The following IQGAP2 variants were observed in gnomAD, a reference collection of about 807,000 sequenced individuals.
IQGAP2 encodes IQ motif containing GTPase activating protein 2.
IQGAP2 carries 173 observed loss-of-function variants against 201.3 expected under a neutral mutation model. That is an observed-to-expected ratio of 0.86 (90% CI 0.76 to 0.98). IQGAP2 has a LOEUF of 0.98. Ranked by LOEUF, IQGAP2 falls within the 50% of genes least tolerant of loss-of-function variation. The probability of loss-of-function intolerance (pLI) is 0.00; values close to 1 mark genes in which losing one functional copy is unlikely to be tolerated. For synonymous variants in IQGAP2, 675 were observed against 673.9 expected (o/e 1.00, Z -0.03); for missense variants, 1,687 against 1,864.8 (o/e 0.90, Z 1.76).
At chr5:76,459,796 G>A (rs1478033971) in intron 1 of IQGAP2, among the ~76,000 whole-genome samples, 8 of 151,918 alleles carry the variant, frequency 5.3e-5, no homozygotes, top group African/African-American at 1.7e-4. Flanking sequence ...GATTACCACC[G>A]CGCCTGGCTA....
chr5:76,551,715 G>T (rs534199707), intron 2 of IQGAP2, among the ~76,000 whole-genome samples: 1 of 152,142 alleles, frequency 6.6e-6, no homozygotes, highest in South Asian at 2.1e-4. Flanking sequence ...CCAGTCAGGC[G>T]TGGCTGCGCG....
chr5:76,658,768 C>G, intron 21 of IQGAP2, 101 bp downstream of exon 21: 1 of 1,009,048 alleles, frequency 9.9e-7, no homozygotes. Flanking sequence ...AGAAATGTAG[C>G]ATTAGGTGAT....
chr5:76,494,664 GT>G lies in IQGAP2; in HGVS notation c.146+32997del, dbSNP rs1347568291. 4.6e-5 allele frequency among the ~76,000 whole-genome samples: 7 copies of G among 152,054 alleles called. No individual in the cohort carries two copies. The East Asian group carries it at 1.4e-3, about 29-fold the overall frequency. On this transcript the variant is annotated intron_variant, in intron 2 of 35. Transcript: ENST00000274364. Reference sequence around the variant, plus strand: ...AGAAGGTTTTTAGTTTTTTGTTGTTGTTGTTTTTTGTTTTGTTTTGTTTTGT... The same window carrying G: ...AGAAGGTTTTTAGTTTTTTGTTGTTGTGTTTTTTGTTTTGTTTTGTTTTGT...
intron 29 of IQGAP2, 144 bp from the exon 30 acceptor site, chr5:76,683,632 T>C: frequency 6.5e-6 from 4 of 615,116 alleles, no homozygotes; most frequent in Non-Finnish European, 1.0e-5. Context: ...ACTTTAGCTA[T>C]AGTAGAATGT....
chr5:76,463,123 TA>T (rs5868826), intron 2 of IQGAP2, among the ~76,000 whole-genome samples: 25,217 of 105,318 alleles, frequency 0.24, 2,383 homozygotes, highest in African/African-American at 0.31. Context: ...ACGCTGTCTT[TA>T]AAAAAAAAAA....
chr5:76,537,740 G>T (rs958452566), intron 2 of IQGAP2, among the ~76,000 whole-genome samples: 1 of 152,002 alleles, frequency 6.6e-6, no homozygotes, highest in Admixed American at 6.6e-5. Flanking sequence ...CTCTTTTCTG[G>T]GCTCATTTTA....
chr5:76,642,668 A>G (rs1388503805), intron 17 of IQGAP2, among the ~76,000 whole-genome samples: 2 of 152,168 alleles, frequency 1.3e-5, no homozygotes, highest in Non-Finnish European at 2.9e-5. Context: ...AAATGTTCTG[A>G]TATCTGAGAA....
At position 76,652,803 on chromosome 5, in the gene IQGAP2, G is replaced by A. The variant is rs770221054; in HGVS notation, c.2148G>A (p.Thr716=). 10 of 1,609,546 alleles carry A rather than the reference G, an allele frequency of 6.2e-6. No homozygotes were observed. Among genetic ancestry groups the A allele is most frequent in the African/African-American group, 1.3e-5 (1 of 74,966 alleles). The change falls in exon 18 of 36, where the codon ACG becomes ACA. Residue 716 remains threonine (T), a synonymous_variant. Coordinates refer to ENST00000274364, the MANE Select transcript of IQGAP2 (RefSeq NM_006633.5). ...AGGAGTATATGCACAGGCGGCAAACGTTCATTGATAATACTGATTCTATTG... is the reference window on the plus strand; with the variant it reads ...AGGAGTATATGCACAGGCGGCAAACATTCATTGATAATACTGATTCTATTG... ...QRKEYMHRRQ[T]FIDNTDSIVK... is the part of the protein sequence containing the mutation.
chr5:76,436,250 T>C (rs1340304339), intron 1 of IQGAP2, among the ~76,000 whole-genome samples: 2 of 151,890 alleles, frequency 1.3e-5, no homozygotes, highest in South Asian at 2.1e-4. Flanking sequence ...CTTCCAATAG[T>C]ATGTTGAATA....
intron 1 of IQGAP2, among the ~76,000 whole-genome samples, chr5:76,458,238 T>G (rs1234861415): frequency 6.6e-6 from 1 of 152,202 alleles, no homozygotes; most frequent in African/African-American, 2.4e-5. Flanking sequence ...AAAGAGATAA[T>G]GCCTATCTCT....
intron 1 of IQGAP2, among the ~76,000 whole-genome samples, chr5:76,451,565 A>G (rs1474354068): frequency 6.6e-6 from 1 of 152,186 alleles, no homozygotes; most frequent in African/African-American, 2.4e-5. Context: ...AACTTCTGTG[A>G]TTTTTAAAAA....
At chr5:76,594,460 G>A (rs756232981) in intron 9 of IQGAP2, among the ~76,000 whole-genome samples, 21 of 151,806 alleles carry the variant, frequency 1.4e-4, no homozygotes, top group Non-Finnish European at 2.9e-4. Context: ...CCATTTTTAA[G>A]TAAAAGGCAT....
chr5:76,486,973 A>G (rs1756185695), intron 2 of IQGAP2, among the ~76,000 whole-genome samples: 1 of 152,140 alleles, frequency 6.6e-6, no homozygotes, highest in Non-Finnish European at 1.5e-5. Flanking sequence ...TGCATTTATC[A>G]TAACTGAGCA....
chr5:76,481,205 A>G (rs1003107727), intron 2 of IQGAP2, among the ~76,000 whole-genome samples: 2 of 152,132 alleles, frequency 1.3e-5, no homozygotes, highest in African/African-American at 4.8e-5. Flanking sequence ...GGAACTGACA[A>G]TATTGTCTCT....
chr5:76,707,181 A>G lies in IQGAP2; in HGVS notation c.4615-19A>G. 1 of 1,034,282 alleles carries G rather than the reference A, an allele frequency of 9.7e-7. No homozygotes were observed. Among genetic ancestry groups the G allele is most frequent in the Non-Finnish European group, 1.5e-6 (1 of 664,390 alleles). The allele number at this position is 1,034,282 out of a possible 1,614,324, so 64.1% of individuals were successfully genotyped here. On this transcript the variant is annotated intron_variant, in intron 35 of 35. Transcript: ENST00000274364. ...AAAATGTCAAAGTTGAGATTTAATG[A>G]TGCTTTTTACAATTTCAGGATTTAC... is the stretch of plus-strand genomic sequence containing the variant.
chr5:76,607,773 G>C (rs576001039), intron 12 of IQGAP2: 1 of 152,270 alleles, frequency 6.6e-6, no homozygotes, highest in African/African-American at 2.4e-5. Context: ...CACAACCTCC[G>C]TCTTAATGCT....
At chr5:76,417,065 A>G (rs1751448237) in intron 1 of IQGAP2, among the ~76,000 whole-genome samples, 2 of 152,034 alleles carry the variant, frequency 1.3e-5, no homozygotes, top group South Asian at 2.1e-4. Context: ...TTCTTTCTAC[A>G]TTTGAAAAGT....
intron 1 of IQGAP2, among the ~76,000 whole-genome samples, chr5:76,424,807 G>A (rs1751909301): frequency 6.6e-6 from 1 of 152,178 alleles, no homozygotes; most frequent in African/African-American, 2.4e-5. Flanking sequence ...CCTGTGACCT[G>A]AAGTAATGAA....
At chr5:76,414,499 A>G (rs935936578) in intron 1 of IQGAP2, among the ~76,000 whole-genome samples, 1 of 152,148 alleles carries the variant, frequency 6.6e-6, no homozygotes, top group African/African-American at 2.4e-5. Context: ...TTATTTTCCA[A>G]AAAGAAACAA....
Sources: gnomAD v4.1 joint callset for allele counts (sites outside exome capture counted in the v4.1 genomes callset) on GRCh38, gnomAD v4.1.1 for gene constraint, MANE v1.5 for transcripts, NCBI Gene and HGNC (gene_info 2026-07-23, HGNC 2026-07-21) for gene names.